NEIL3: variants seen among roughly 807,000 people sequenced by gnomAD.
NEIL3 encodes nei like DNA glycosylase 3.
In NEIL3, 48 loss-of-function variants were observed where a neutral mutation model predicts 57.5. The observed-to-expected ratio is 0.83, with a 90% CI of 0.66 to 1.06. The LOEUF is 1.06. Among genes scored for constraint, NEIL3 ranks in the 50% least tolerant of loss-of-function variants. NEIL3 has a pLI of 0.00. For synonymous variants in NEIL3, 261 were observed against 253.2 expected (o/e 1.03, Z -0.29); for missense variants, 717 against 739.1 (o/e 0.97, Z 0.35).
chr4:177,360,437 G>A (rs1158690267), intron 8 of NEIL3, 66 bp from the exon 9 acceptor site: 64 of 1,151,484 alleles, frequency 5.6e-5, no homozygotes, highest in Non-Finnish European at 7.7e-5. Flanking sequence ...ACATGTGGGG[G>A]TAAAGTGGTG....
intron 1 of NEIL3, 106 bp from the exon 2 acceptor site, chr4:177,322,353 T>G: frequency 2.1e-6 from 3 of 1,403,626 alleles, no homozygotes; most frequent in Non-Finnish European, 3.0e-6. Context: ...CTCATTGGAA[T>G]GCACCTGGGC....
intron 2 of NEIL3, among the ~76,000 whole-genome samples, chr4:177,334,531 AT>A (rs1332895065): frequency 2.6e-5 from 4 of 152,124 alleles, no homozygotes; most frequent in African/African-American, 9.7e-5. Context: ...AGCTGAAAAG[AT>A]TTTAGATATG....
Position 177,315,038 on chromosome 4 carries a change from G to A in NEIL3, c.156+4929G>A, listed in dbSNP as rs530894070. 3.1e-4 allele frequency among the ~76,000 whole-genome samples: 44 copies of A among 142,508 alleles called. 1 individual carries two copies. Among genetic ancestry groups the A allele is most frequent in the African/African-American group, 1.1e-3 (43 of 38,086 alleles). The allele number at this position is 142,508 out of a possible 152,430, so 93.5% of individuals were successfully genotyped here. A position where few individuals can be genotyped will look rare whatever the true frequency, so the allele number is the denominator to read the frequency against. On this transcript the variant is annotated intron_variant, in intron 1 of 9. Coordinates refer to ENST00000264596, the MANE Select transcript of NEIL3 (RefSeq NM_018248.3). ...GAGCCGAGATCGCGCCACTGCACTC[G>A]AGCCTGGGCAACAGAGCGAGACTCC... is the stretch of plus-strand genomic sequence containing the variant.
chr4:177,370,976 G>A, the NEIL3 span, among the ~76,000 whole-genome samples: 1 of 152,092 alleles, frequency 6.6e-6, no homozygotes, highest in Admixed American at 6.6e-5. Context: ...AGAAAGGGAA[G>A]GATGAAGAGA....
chr4:177,331,850 T>C (rs183917255), intron 2 of NEIL3, among the ~76,000 whole-genome samples: 2 of 152,350 alleles, frequency 1.3e-5, no homozygotes, highest in Admixed American at 1.3e-4. Flanking sequence ...TTGGCTTCAG[T>C]GCACCAACAA....
intron 5 of NEIL3, 21 bp downstream of exon 5, chr4:177,339,878 C>T (rs1735056897): frequency 3.2e-6 from 5 of 1,549,788 alleles, no homozygotes; most frequent in Non-Finnish European, 4.5e-6. Flanking sequence ...AATTTTTCAA[C>T]TGTGTAAAAT....
chr4:177,320,600 C>T (rs2111115657), intron 1 of NEIL3, among the ~76,000 whole-genome samples: 1 of 151,022 alleles, frequency 6.6e-6, no homozygotes, highest in Non-Finnish European at 1.5e-5. Context: ...GACTCAGCCT[C>T]CCGAGTAGCT....
chr4:177,360,777 T>A, intron 9 of NEIL3, 100 bp downstream of exon 9: 1 of 960,362 alleles, frequency 1.0e-6, no homozygotes. Context: ...CCTTTTACCT[T>A]TAAATTTGAA....
At chr4:177,315,766 T>C (rs1241131721) in intron 1 of NEIL3, among the ~76,000 whole-genome samples, 1 of 152,202 alleles carries the variant, frequency 6.6e-6, no homozygotes, top group Non-Finnish European at 1.5e-5. Flanking sequence ...GTGAAAGATA[T>C]ATCCAGGTGC....
At chr4:177,346,985 G>C (rs1204714225) in intron 6 of NEIL3, among the ~76,000 whole-genome samples, 2 of 142,028 alleles carry the variant, frequency 1.4e-5, no homozygotes, top group East Asian at 2.0e-4. Context: ...CTAGGTAACA[G>C]AGCGAGACTC....
At chr4:177,368,001 C>T in the NEIL3 span, among the ~76,000 whole-genome samples, 3 of 152,218 alleles carry the variant, frequency 2.0e-5, no homozygotes, top group Non-Finnish European at 1.5e-5. Context: ...CTGTGTCACA[C>T]AAGCCATGGT....
downstream of NEIL3, among the ~76,000 whole-genome samples, chr4:177,364,926 C>G (rs866466962): frequency 1.0e-5 from 1 of 99,466 alleles, no homozygotes; most frequent in Non-Finnish European, 2.1e-5. Flanking sequence ...GACTCTGTCT[C>G]AAAAAAAAAA....
At chr4:177,339,712 G>T in intron 4 of NEIL3, 71 bp from the exon 5 acceptor site, 16 of 973,960 alleles carry the variant, frequency 1.6e-5, no homozygotes, top group East Asian at 2.4e-5. Context: ...CACAGAATTG[G>T]CAAGGCGTAT....
At chr4:177,345,175 A>G (rs745940600) in intron 6 of NEIL3, among the ~76,000 whole-genome samples, 2 of 152,264 alleles carry the variant, frequency 1.3e-5, no homozygotes, top group African/African-American at 2.4e-5. Flanking sequence ...AAGAAGAAAC[A>G]CTTAAGTCTA....
Position 177,351,301 on chromosome 4 carries a change from G to T in NEIL3, c.870-79G>T, listed in dbSNP as rs1186962312. ...AAGAGATAGCATTGGGGTATTAATGGTTCTATAATCATTTCTAAAATATCC... is the reference window on the plus strand; with the variant it reads ...AAGAGATAGCATTGGGGTATTAATGTTTCTATAATCATTTCTAAAATATCC... On this transcript the variant is annotated intron_variant, in intron 6 of 9. Transcript: ENST00000264596. 5.6e-6 allele frequency: 5 copies of T among 900,290 alleles called. No homozygotes were observed. In the African/African-American group the frequency reaches 7.0e-5, roughly 13 times the overall value. The allele number at this position is 900,290 out of a possible 1,614,324, so 55.8% of individuals were successfully genotyped here.
At chr4:177,330,908 G>C (rs1278767342) in intron 2 of NEIL3, among the ~76,000 whole-genome samples, 1 of 152,066 alleles carries the variant, frequency 6.6e-6, no homozygotes, top group African/African-American at 2.4e-5. Flanking sequence ...GCCACATGTG[G>C]GTAGTGGCTG....
the NEIL3 span, among the ~76,000 whole-genome samples, chr4:177,369,824 A>T: frequency 6.6e-6 from 1 of 152,156 alleles, no homozygotes; most frequent in Non-Finnish European, 1.5e-5. Context: ...ACAGTTCTTA[A>T]CAGGGCTCTT....
At chr4:177,347,616 G>A (rs957244235) in intron 6 of NEIL3, among the ~76,000 whole-genome samples, 3 of 152,024 alleles carry the variant, frequency 2.0e-5, no homozygotes, top group Admixed American at 2.0e-4. Context: ...GCAGCATCGG[G>A]GGCTCTCAAC....
chr4:177,362,097 T>C (rs1735617247), intron 9 of NEIL3, among the ~76,000 whole-genome samples, 192 bp from the exon 10 acceptor site: 1 of 152,162 alleles, frequency 6.6e-6, no homozygotes. Flanking sequence ...CAAACAAATT[T>C]GTAAGAGAGA....
Sources: gnomAD v4.1 joint callset for allele counts (sites outside exome capture counted in the v4.1 genomes callset) on GRCh38, gnomAD v4.1.1 for gene constraint, MANE v1.5 for transcripts, NCBI Gene and HGNC (gene_info 2026-07-23, HGNC 2026-07-21) for gene names.